CDH13: variants seen among roughly 807,000 people sequenced by gnomAD.
The protein encoded by CDH13 is cadherin 13.
CDH13 carries 24 observed loss-of-function variants against 63.8 expected under a neutral mutation model. That is an observed-to-expected ratio of 0.38 (90% confidence interval 0.27 to 0.53). The LOEUF is 0.53. Among genes scored for constraint, CDH13 ranks in the 20% least tolerant of loss-of-function variants. CDH13 has a pLI of 0.85. For missense variants in CDH13, 1,049 were observed against 903.1 expected (o/e 1.16, Z -2.07); for synonymous variants, 503 against 355.3 (o/e 1.42, Z -4.67).
intron 4 of CDH13, among the ~76,000 whole-genome samples, chr16:83,143,803 A>T (rs1333083985): frequency 6.6e-6 from 1 of 151,922 alleles, no homozygotes; most frequent in African/African-American, 2.4e-5. Flanking sequence ...TTTCTCACCC[A>T]CTACTCCTCT....
chr16:82,860,150 T>C (rs1433424236), intron 2 of CDH13, among the ~76,000 whole-genome samples: 1 of 152,140 alleles, frequency 6.6e-6, no homozygotes, highest in East Asian at 1.9e-4. Flanking sequence ...CAAGTGATTA[T>C]CCCAAATGGC....
intron 2 of CDH13, among the ~76,000 whole-genome samples, chr16:83,007,278 C>G (rs1044035742): frequency 1.2e-4 from 18 of 152,184 alleles, no homozygotes; most frequent in African/African-American, 3.9e-4. Flanking sequence ...TTACTCTGTG[C>G]TAGGCACCGT....
At chr16:83,716,936 C>G (rs1361210427) in intron 10 of CDH13, 1 of 152,108 alleles carries the variant, frequency 6.6e-6, no homozygotes, top group Non-Finnish European at 1.5e-5. Flanking sequence ...GGGGTAACAG[C>G]CATTAAAAAA....
chr16:82,627,861 C>T (rs574651820), intron 1 of CDH13, among the ~76,000 whole-genome samples: 82 of 152,368 alleles, frequency 5.4e-4, no homozygotes, highest in Admixed American at 2.1e-3. Flanking sequence ...CCAGCTGGAG[C>T]TCCGGCCAGA....
At chr16:83,161,344 G>T (rs78426315) in intron 4 of CDH13, among the ~76,000 whole-genome samples, 1 of 149,338 alleles carries the variant, frequency 6.7e-6, no homozygotes, top group African/African-American at 2.6e-5. Flanking sequence ...CTATATTAAA[G>T]AAATCATCAA....
intron 4 of CDH13, among the ~76,000 whole-genome samples, chr16:83,130,831 C>G (rs1028162034): frequency 6.6e-6 from 1 of 152,056 alleles, no homozygotes; most frequent in Non-Finnish European, 1.5e-5. Context: ...TTATTACAAC[C>G]TGAATTCCTG....
intron 1 of CDH13, among the ~76,000 whole-genome samples, chr16:82,739,192 G>C (rs991001863): frequency 2.6e-5 from 4 of 151,346 alleles, no homozygotes; most frequent in Non-Finnish European, 5.9e-5. Context: ...AACCAGATGT[G>C]ATTTTACTAT....
At chr16:82,689,710 T>G (rs946423616) in intron 1 of CDH13, among the ~76,000 whole-genome samples, 1 of 152,010 alleles carries the variant, frequency 6.6e-6, no homozygotes, top group Non-Finnish European at 1.5e-5. Flanking sequence ...GGGACTCCTG[T>G]CCTCAGAGTG....
At chr16:83,379,456 A>G (rs566001359) in intron 6 of CDH13, among the ~76,000 whole-genome samples, 3 of 152,182 alleles carry the variant, frequency 2.0e-5, no homozygotes, top group African/African-American at 7.2e-5. Flanking sequence ...TTATATATTT[A>G]TGTTTACCTT....
At chr16:83,600,050 C>T (rs1352478468) in intron 7 of CDH13, among the ~76,000 whole-genome samples, 2 of 152,150 alleles carry the variant, frequency 1.3e-5, no homozygotes, top group Non-Finnish European at 2.9e-5. Context: ...CCAGCTTCAG[C>T]CTGAGAATAG....
chr16:83,713,509 CAA>C (rs368960124), intron 10 of CDH13, among the ~76,000 whole-genome samples: 14 of 141,024 alleles, frequency 9.9e-5, no homozygotes, highest in Admixed American at 4.9e-4. Flanking sequence ...TTCTCGTCAC[CAA>C]AAAAAAAAAA....
intron 10 of CDH13, among the ~76,000 whole-genome samples, chr16:83,683,778 GT>G (rs1245069551): frequency 2.0e-5 from 3 of 152,156 alleles, no homozygotes; most frequent in African/African-American, 7.2e-5. Context: ...TATTGTTAAT[GT>G]TTTTTGGCAT....
chr16:82,639,560 C>A (rs967468124), intron 1 of CDH13: 1 of 776,962 alleles, frequency 1.3e-6, no homozygotes, highest in Non-Finnish European at 2.1e-6. Context: ...TTCCTGCAAG[C>A]TACTCTTTGT....
At chr16:82,730,630 A>G (rs1242227167) in intron 1 of CDH13, among the ~76,000 whole-genome samples, 1 of 152,252 alleles carries the variant, frequency 6.6e-6, no homozygotes, top group Non-Finnish European at 1.5e-5. Flanking sequence ...TGTGACACAG[A>G]CAAGAAGTGA....
intron 3 of CDH13, among the ~76,000 whole-genome samples, chr16:83,072,241 T>C (rs2032491615): frequency 6.6e-6 from 1 of 152,200 alleles, no homozygotes; most frequent in East Asian, 1.9e-4. Flanking sequence ...AAAGATGCGG[T>C]TAAAGAAACC....
At chr16:83,496,550 T>G (rs1489184319) in intron 7 of CDH13, among the ~76,000 whole-genome samples, 1 of 152,120 alleles carries the variant, frequency 6.6e-6, no homozygotes, top group Non-Finnish European at 1.5e-5. Context: ...CTAAAAACCA[T>G]AAAAACCCTA....
At position 83,345,120 on chromosome 16, in the gene CDH13, G is replaced by A. The variant is rs192876850; in HGVS notation, c.781+114G>A. 7.3e-4 allele frequency: 903 copies of A among 1,237,136 alleles called. 2 individuals are homozygous for A. The African/African-American group carries it at 0.011, about 16-fold the overall frequency. The allele number at this position is 1,237,136 out of a possible 1,614,324, so 76.6% of individuals were successfully genotyped here. A position where few individuals can be genotyped will look rare whatever the true frequency, so the allele number is the denominator to read the frequency against. On this transcript the variant is annotated intron_variant, in intron 6 of 13. Transcript: ENST00000567109. ...TTCCAACTTGTCAGCTCGTATCAGC[G>A]TCGACTTAATACTTCCCTGCGTAGA...
intron 6 of CDH13, among the ~76,000 whole-genome samples, chr16:83,366,808 G>T (rs1173256069): frequency 6.6e-6 from 1 of 152,052 alleles, no homozygotes; most frequent in Non-Finnish European, 1.5e-5. Context: ...ATGGTGTGGT[G>T]GTTGACACTT....
At chr16:83,347,320 C>T (rs367840329) in intron 6 of CDH13, among the ~76,000 whole-genome samples, 6 of 140,902 alleles carry the variant, frequency 4.3e-5, no homozygotes, top group African/African-American at 5.4e-5. Context: ...AGAAATTATT[C>T]GACACCCACT....
Sources: allele counts gnomAD v4.1 joint callset (sites outside exome capture counted in the v4.1 genomes callset), GRCh38; gene constraint gnomAD v4.1.1; transcripts MANE v1.5; gene names NCBI Gene and HGNC (gene_info 2026-07-23, HGNC 2026-07-21).